Variants in ARHGAP6 observed in about 807,000 individuals in gnomAD.
ARHGAP6 encodes Rho GTPase activating protein 6.
In ARHGAP6, 16 loss-of-function variants were observed where a neutral mutation model predicts 55.7. That is an observed-to-expected ratio of 0.29 (90% CI 0.19 to 0.44). ARHGAP6 has a LOEUF of 0.44. Ranked by LOEUF, ARHGAP6 falls within the 20% of genes least tolerant of loss-of-function variation. The pLI, the probability that ARHGAP6 is intolerant of heterozygous loss-of-function variation, is 1.00. For synonymous variants in ARHGAP6, 382 were observed against 360.9 expected, an observed-to-expected ratio of 1.06 and a Z score of -0.66; for missense variants, 698 against 808.9, an observed-to-expected ratio of 0.86 and a Z score of 1.66.
At chrX:11,190,501 A>C (rs1275628876) in intron 3 of ARHGAP6, among the ~76,000 whole-genome samples, 1 of 98,192 alleles carries the variant, frequency 1.0e-5, no homozygotes, top group Non-Finnish European at 2.1e-5. Context: ...ATATAGATAT[A>C]TCTCTATATA....
intron 1 of ARHGAP6, among the ~76,000 whole-genome samples, chrX:11,384,188 G>A (rs181050339): frequency 1.8e-5 from 2 of 111,709 alleles, no homozygotes; most frequent in Admixed American, 1.9e-4. Context: ...AACACGATGT[G>A]CCCCCGGGTA....
At chrX:11,428,005 C>T (rs1005628086) in intron 1 of ARHGAP6, among the ~76,000 whole-genome samples, 4 of 112,527 alleles carry the variant, frequency 3.6e-5, no homozygotes, top group African/African-American at 1.3e-4. Flanking sequence ...CTGGCCGGCA[C>T]GCCTGCCTCC....
At chrX:11,237,791 A>T (rs898765068) in intron 2 of ARHGAP6, among the ~76,000 whole-genome samples, 2 of 112,453 alleles carry the variant, frequency 1.8e-5, no homozygotes, top group Non-Finnish European at 3.8e-5. Flanking sequence ...AAAATGATTT[A>T]AAAAGATACA....
intron 1 of ARHGAP6, among the ~76,000 whole-genome samples, chrX:11,384,498 G>T (rs1029408736): frequency 1.8e-5 from 2 of 112,211 alleles, no homozygotes; most frequent in Admixed American, 9.4e-5. Flanking sequence ...AGAAAGATGT[G>T]CATGACTTCC....
intron 1 of ARHGAP6, among the ~76,000 whole-genome samples, chrX:11,621,449 G>T: frequency 9.2e-6 from 1 of 108,828 alleles, no homozygotes; most frequent in Non-Finnish European, 1.9e-5. Flanking sequence ...AAGGAGATAA[G>T]AATAGGTGAA....
chrX:11,573,650 G>C (rs1289345712), intron 1 of ARHGAP6, among the ~76,000 whole-genome samples: 7 of 110,766 alleles, frequency 6.3e-5, no homozygotes, highest in Admixed American at 1.9e-4. Flanking sequence ...TTTGGCTTAG[G>C]ATTGACTTGG....
chrX:11,217,781 T>C (rs2046903521), intron 2 of ARHGAP6, among the ~76,000 whole-genome samples: 1 of 112,062 alleles, frequency 8.9e-6, no homozygotes, highest in Non-Finnish European at 1.9e-5. Flanking sequence ...TCATGAAGTC[T>C]TTGCCCATGC....
intron 1 of ARHGAP6, among the ~76,000 whole-genome samples, chrX:11,658,089 A>G (rs2052658630): frequency 8.9e-6 from 1 of 111,977 alleles, no homozygotes; most frequent in Admixed American, 9.5e-5. Flanking sequence ...AGAGTCAAGA[A>G]GGATTTCAGG....
At chrX:11,493,970 A>T (rs1002027210) in intron 1 of ARHGAP6, among the ~76,000 whole-genome samples, 7 of 109,231 alleles carry the variant, frequency 6.4e-5, no homozygotes, top group Admixed American at 9.9e-5. Flanking sequence ...AGTAGCTGGC[A>T]CTACAGTCAC....
At chrX:11,309,347 G>A (rs1160561017) in intron 1 of ARHGAP6, among the ~76,000 whole-genome samples, 1 of 110,812 alleles carries the variant, frequency 9.0e-6, no homozygotes, top group Non-Finnish European at 1.9e-5. Context: ...AACAGAGAAG[G>A]AGACAGGAGG....
intron 1 of ARHGAP6, among the ~76,000 whole-genome samples, chrX:11,408,085 A>G (rs1405138504): frequency 1.8e-5 from 2 of 111,019 alleles, no homozygotes; most frequent in Non-Finnish European, 3.8e-5. Context: ...CTTCAACACT[A>G]TAACTTAAAA....
intron 7 of ARHGAP6, 114 bp downstream of exon 7, chrX:11,179,188 A>G: frequency 2.7e-6 from 2 of 753,790 alleles, no homozygotes; most frequent in Non-Finnish European, 1.9e-6. Flanking sequence ...CTCTTTAGAG[A>G]TTGATAAATA....
At chrX:11,177,393 T>G (rs2046245060) in intron 8 of ARHGAP6, among the ~76,000 whole-genome samples, 1 of 106,737 alleles carries the variant, frequency 9.4e-6, no homozygotes, top group African/African-American at 3.5e-5. Context: ...CACTGGGGCC[T>G]GAGTGGGGAT....
At chrX:11,265,700 C>T (rs2047612992) in intron 1 of ARHGAP6, 1 of 875,147 alleles carries the variant, frequency 1.1e-6, no homozygotes, top group South Asian at 2.9e-5. Flanking sequence ...AAATTATAAT[C>T]AGCCGCGTCT....
At chrX:11,211,165 TTAAG>T (rs2046788970) in intron 2 of ARHGAP6, among the ~76,000 whole-genome samples, 1 of 111,570 alleles carries the variant, frequency 9.0e-6, no homozygotes, top group African/African-American at 3.3e-5. Flanking sequence ...TCTCGATGAA[TTAAG>T]TGTCATTCAT....
chrX:11,420,922 C>T (rs1385946417), intron 1 of ARHGAP6, among the ~76,000 whole-genome samples: 4 of 112,186 alleles, frequency 3.6e-5, no homozygotes, highest in African/African-American at 1.3e-4. Context: ...GCAAATTAGG[C>T]AAGGCTGTTA....
At chrX:11,330,703 T>A (rs186481594) in intron 1 of ARHGAP6, among the ~76,000 whole-genome samples, 17 of 111,966 alleles carry the variant, frequency 1.5e-4, no homozygotes, top group Admixed American at 1.1e-3. Flanking sequence ...AGATATTTAA[T>A]AGAACAGTGG....
At chrX:11,202,701 A>G (rs113535317) in intron 2 of ARHGAP6, among the ~76,000 whole-genome samples, 26,059 of 102,088 alleles carry the variant, frequency 0.26, 2,871 homozygotes, top group African/African-American at 0.37. Context: ...CCAGCTACTC[A>G]GGAGACTGAG....
chrX:11,665,080 A>T lies in ARHGAP6; in HGVS notation c.-252T>A, dbSNP rs1404948987. ...TCTGGGGACCTCCTGCAGCCGCTAGAACCTTCCTCCGGAGCCCAAGACGCG... is the reference window on the plus strand; with the variant it reads ...TCTGGGGACCTCCTGCAGCCGCTAGTACCTTCCTCCGGAGCCCAAGACGCG... On this transcript the variant is annotated 5_prime_UTR_variant, in exon 1 of 13. Transcript: ENST00000337414. 1 of 314,672 alleles carries T rather than the reference A, an allele frequency of 3.2e-6. No individual in the cohort carries two copies. The highest frequency in any genetic ancestry group is 2.8e-5 in the African/African-American group (1 of 36,213). 25.9% of individuals were successfully genotyped at this position (314,672 alleles called of 1,213,427 possible).
Sources: gnomAD v4.1 joint callset for allele counts (sites outside exome capture counted in the v4.1 genomes callset) on GRCh38, gnomAD v4.1.1 for gene constraint, MANE v1.5 for transcripts, NCBI Gene and HGNC (gene_info 2026-07-23, HGNC 2026-07-21) for gene names.